Variants in LEPR observed in about 807,000 individuals in gnomAD.
LEPR encodes leptin receptor.
Under a neutral mutation model 114.7 loss-of-function variants are expected in LEPR, and 56 were observed. That is an observed-to-expected ratio of 0.49 (90% CI 0.39 to 0.61). The LOEUF (loss-of-function observed/expected upper bound fraction) is 0.61. Ranked by LOEUF, LEPR falls within the 20% of genes least tolerant of loss-of-function variation. LEPR has a pLI of 0.00. For missense variants in LEPR, 1,202 were observed against 1,352.9 expected, an observed-to-expected ratio of 0.89 and a Z score of 1.75; for synonymous variants, 443 against 461.4, an observed-to-expected ratio of 0.96 and a Z score of 0.51.
intron 1 of LEPR, among the ~76,000 whole-genome samples, chr1:65,422,108 C>T (rs1231219833): frequency 6.6e-6 from 1 of 152,166 alleles, no homozygotes; most frequent in East Asian, 1.9e-4. Context: ...TGTGTTCAAG[C>T]TCTAATTCCC....
At chr1:65,625,816 TAGGA>T (rs1658171386) in intron 19 of LEPR, among the ~76,000 whole-genome samples, 1 of 152,092 alleles carries the variant, frequency 6.6e-6, no homozygotes, top group Non-Finnish European at 1.5e-5. Flanking sequence ...AAACTGGAAA[TAGGA>T]AGACTATAAG....
chr1:65,603,058 T>C (rs1656550725), intron 10 of LEPR, among the ~76,000 whole-genome samples: 1 of 152,210 alleles, frequency 6.6e-6, no homozygotes, highest in Non-Finnish European at 1.5e-5. Flanking sequence ...CTACATTTAC[T>C]TGGGTGAGTT....
At chr1:65,500,751 TG>T (rs1441962625) in intron 2 of LEPR, among the ~76,000 whole-genome samples, 1 of 152,122 alleles carries the variant, frequency 6.6e-6, no homozygotes, top group Admixed American at 6.6e-5. Flanking sequence ...ATTAAGTGCT[TG>T]GGGAGTCAAA....
chr1:65,595,054 T>G (rs1269041959), intron 6 of LEPR, among the ~76,000 whole-genome samples: 1 of 152,028 alleles, frequency 6.6e-6, no homozygotes, highest in Non-Finnish European at 1.5e-5. Flanking sequence ...ATGCATGCTA[T>G]GGAATGACTA....
chr1:65,502,765 T>C (rs1358969844), intron 2 of LEPR, among the ~76,000 whole-genome samples: 1 of 151,912 alleles, frequency 6.6e-6, no homozygotes, highest in Non-Finnish European at 1.5e-5. Flanking sequence ...AAGTAGCAAG[T>C]TCAAAGACCC....
intron 9 of LEPR, 56 bp from the exon 10 acceptor site, chr1:65,601,787 C>T (rs1480744272): frequency 1.3e-6 from 2 of 1,579,020 alleles, no homozygotes; most frequent in Admixed American, 3.5e-5. Flanking sequence ...AAATTTTTTT[C>T]ATTGAATTTT....
At chr1:65,435,597 GACCTCATGATCCGC>G (rs1646551648) in intron 2 of LEPR, 6 of 652,964 alleles carry the variant, frequency 9.2e-6, no homozygotes, top group Admixed American at 6.3e-5. Context: ...TCGATCTCCT[GACCTCATGATCCGC>G]CCGCCTCTGC....
chr1:65,632,376 G>C (rs1396280128), intron 19 of LEPR, among the ~76,000 whole-genome samples: 2 of 151,986 alleles, frequency 1.3e-5, no homozygotes, highest in African/African-American at 4.8e-5. Context: ...TTATTTTCTT[G>C]TTCCTTATAG....
chr1:65,452,087 A>G (rs1486758882), intron 2 of LEPR, among the ~76,000 whole-genome samples: 2 of 151,802 alleles, frequency 1.3e-5, no homozygotes, highest in South Asian at 4.2e-4. Context: ...TTTGTCTGTT[A>G]TTGGTGTATA....
intron 2 of LEPR, among the ~76,000 whole-genome samples, chr1:65,493,435 A>T (rs1324218727): frequency 6.6e-6 from 1 of 152,112 alleles, no homozygotes; most frequent in African/African-American, 2.4e-5. Context: ...CCAGAATCCA[A>T]TCTTGCCTGG....
intron 2 of LEPR, among the ~76,000 whole-genome samples, chr1:65,535,663 T>G (rs1374604048): frequency 1.3e-5 from 2 of 151,794 alleles, no homozygotes; most frequent in Non-Finnish European, 2.9e-5. Context: ...GAGAAAAGTT[T>G]TGTTGACACA....
chr1:65,547,993 T>C (rs910218413), intron 2 of LEPR, among the ~76,000 whole-genome samples: 1 of 151,744 alleles, frequency 6.6e-6, no homozygotes, highest in African/African-American at 2.4e-5. Context: ...GTCCCAGAGA[T>C]TCTGGTATGT....
At chr1:65,493,409 G>T (rs1223948420) in intron 2 of LEPR, among the ~76,000 whole-genome samples, 1 of 151,994 alleles carries the variant, frequency 6.6e-6, no homozygotes, top group Non-Finnish European at 1.5e-5. Context: ...GTAAGGTCTT[G>T]CTTTTGCTCC....
At chr1:65,476,234 A>T (rs992884321) in intron 2 of LEPR, among the ~76,000 whole-genome samples, 2 of 151,624 alleles carry the variant, frequency 1.3e-5, no homozygotes, top group African/African-American at 4.9e-5. Context: ...TCATTTTCTT[A>T]GAGTGGCTCT....
chr1:65,478,026 A>G (rs959579508), intron 2 of LEPR, among the ~76,000 whole-genome samples: 1 of 152,044 alleles, frequency 6.6e-6, no homozygotes, highest in African/African-American at 2.4e-5. Context: ...TGCAACCCAC[A>G]CTCCTATTAT....
At chr1:65,450,611 A>AT (rs1247654266) in intron 2 of LEPR, among the ~76,000 whole-genome samples, 1 of 128,512 alleles carries the variant, frequency 7.8e-6, no homozygotes, top group African/African-American at 3.0e-5. Context: ...TGAACTCATC[A>AT]TTTTTTATGG....
At chr1:65,433,086 TAGC>T (rs1646510619) in intron 2 of LEPR, 1 of 985,356 alleles carries the variant, frequency 1.0e-6, no homozygotes, top group Non-Finnish European at 1.2e-6. Flanking sequence ...GCCCCTGCGT[TAGC>T]AGGAGGGGGA....
intron 14 of LEPR, 65 bp from the exon 15 acceptor site, chr1:65,615,943 G>A: frequency 3.1e-6 from 5 of 1,598,222 alleles, no homozygotes; most frequent in Non-Finnish European, 3.4e-6. Context: ...TGAGAGTTAT[G>A]TGAGCTCAGT....
At position 65,507,459 on chromosome 1, in the gene LEPR, GTA is replaced by G. The variant is rs1553159548; in HGVS notation, c.-20-58074_-20-58073del. On this transcript the variant is annotated intron_variant, in intron 2 of 19. Coordinates refer to ENST00000349533, the MANE Select transcript of LEPR (RefSeq NM_002303.6). ...CCATTGTGTGTGTGTGTGTGTGTGTGTATATATATATATACACATATATATGT... is the reference window on the plus strand; with the variant it reads ...CCATTGTGTGTGTGTGTGTGTGTGTGTATATATATATACACATATATATGT... 1.2e-3 allele frequency among the ~76,000 whole-genome samples: 162 copies of G among 139,542 alleles called. 4 individuals are homozygous for G. In the East Asian group the frequency reaches 0.024, roughly 21 times the overall value. 91.5% of individuals were successfully genotyped at this position (139,542 alleles called of 152,430 possible).
Sources: allele counts gnomAD v4.1 joint callset (sites outside exome capture counted in the v4.1 genomes callset), GRCh38; gene constraint gnomAD v4.1.1; transcripts MANE v1.5; gene names NCBI Gene and HGNC (gene_info 2026-07-23, HGNC 2026-07-21).